Variants in NRG1 observed in about 807,000 individuals in gnomAD.
NRG1 encodes the protein neuregulin 1.
In NRG1, 18 loss-of-function variants were observed where a neutral mutation model predicts 63.8. The observed-to-expected ratio is 0.28, with a 90% CI of 0.19 to 0.42. NRG1 has a LOEUF of 0.42. Among genes scored for constraint, NRG1 ranks in the 10% least tolerant of loss-of-function variants. NRG1 has a pLI of 1.00. For missense variants in NRG1, 762 were observed against 814.7 expected, an observed-to-expected ratio of 0.94 and a Z score of 0.79; for synonymous variants, 302 against 301.3, an observed-to-expected ratio of 1.00 and a Z score of -0.02.
chr8:32,238,363 G>T (rs1305147285), intron 1 of NRG1, among the ~76,000 whole-genome samples: 2 of 151,684 alleles, frequency 1.3e-5, no homozygotes, highest in African/African-American at 4.9e-5. Context: ...GGAGGCTGGG[G>T]CAGGAGAATC....
chr8:31,764,797 G>C (rs1346877138), intron 1 of NRG1, among the ~76,000 whole-genome samples: 1 of 151,546 alleles, frequency 6.6e-6, no homozygotes, highest in African/African-American at 2.4e-5. Flanking sequence ...GTGCAGGTTA[G>C]TTACATATGT....
chr8:32,002,773 C>T (rs915455523), intron 1 of NRG1, among the ~76,000 whole-genome samples: 11 of 152,088 alleles, frequency 7.2e-5, no homozygotes. Flanking sequence ...TGTGCCTGCG[C>T]ACCTATCTAT....
chr8:32,371,924 C>T (rs560120112), intron 1 of NRG1, among the ~76,000 whole-genome samples: 11 of 151,370 alleles, frequency 7.3e-5, no homozygotes, highest in Non-Finnish European at 1.3e-4. Context: ...TGTAGCTGAA[C>T]GCAATGAATT....
chr8:31,715,347 TTGAGATAAATGATCCA>T (rs1283570403), intron 1 of NRG1, among the ~76,000 whole-genome samples: 1 of 152,106 alleles, frequency 6.6e-6, no homozygotes, highest in Non-Finnish European at 1.5e-5. Flanking sequence ...ATCAATTTAA[TTGAGATAAATGATCCA>T]TGATTAGGAT....
chr8:31,700,823 T>C (rs1810554136), intron 1 of NRG1, among the ~76,000 whole-genome samples: 1 of 152,182 alleles, frequency 6.6e-6, no homozygotes, highest in East Asian at 1.9e-4. Flanking sequence ...ACAGGCTCAT[T>C]GACTATGGAA....
chr8:32,027,264 T>G (rs1266315254), intron 1 of NRG1, among the ~76,000 whole-genome samples: 1 of 152,186 alleles, frequency 6.6e-6, no homozygotes, highest in Non-Finnish European at 1.5e-5. Context: ...ATATTTCTTT[T>G]TAGTATAAAG....
chr8:32,685,635 A>G (rs1809906942), intron 5 of NRG1, among the ~76,000 whole-genome samples: 1 of 152,212 alleles, frequency 6.6e-6, no homozygotes, highest in African/African-American at 2.4e-5. Context: ...GTTCTTTTCA[A>G]CTTTAAAATA....
At position 31,975,009 on chromosome 8, in the gene NRG1, C is replaced by T. The variant is rs540993773; in HGVS notation, c.37+335578C>T. 2.6e-5 allele frequency among the ~76,000 whole-genome samples: 4 copies of T among 152,264 alleles called. No individual in the cohort carries two copies. In the South Asian group the frequency reaches 8.3e-4, roughly 32 times the overall value. On this transcript the variant is annotated intron_variant, in intron 1 of 10. Coordinates refer to the NRG1 transcript ENST00000519301. ...TCAGTCTATGCTGGGTTTTCTGTGG[C>T]AGTTCAGAAGCAGGACTAGGTTCTG... is the stretch of plus-strand genomic sequence containing the variant.
At chr8:31,897,826 C>T (rs1831703817) in intron 1 of NRG1, among the ~76,000 whole-genome samples, 2 of 150,968 alleles carry the variant, frequency 1.3e-5, no homozygotes, top group Admixed American at 1.3e-4. Flanking sequence ...ACAAGCCTGG[C>T]CAACATGTTG....
chr8:32,221,324 T>C (rs1296766548), intron 1 of NRG1, among the ~76,000 whole-genome samples: 2 of 152,176 alleles, frequency 1.3e-5, no homozygotes, highest in Non-Finnish European at 2.9e-5. Context: ...CCTGTCTTGA[T>C]GCACGGTGGA....
intron 1 of NRG1, among the ~76,000 whole-genome samples, chr8:32,091,845 A>G (rs1426547465): frequency 2.6e-5 from 4 of 152,144 alleles, no homozygotes; most frequent in Admixed American, 2.6e-4. Context: ...TCAGAAAGCT[A>G]AGGTGAAATT....
chr8:32,546,995 C>A (rs910344292), upstream of NRG1, among the ~76,000 whole-genome samples: 2 of 152,136 alleles, frequency 1.3e-5, no homozygotes, highest in Non-Finnish European at 2.9e-5. Flanking sequence ...AAATGGAAAA[C>A]CAAGAGCAAG....
chr8:32,141,080 C>G (rs1017532694), intron 1 of NRG1, among the ~76,000 whole-genome samples: 1 of 152,052 alleles, frequency 6.6e-6, no homozygotes, highest in Non-Finnish European at 1.5e-5. Context: ...CCTAAACTCT[C>G]TCAAAACAGG....
chr8:32,188,746 G>A (rs1274551029), intron 1 of NRG1, among the ~76,000 whole-genome samples: 1 of 151,972 alleles, frequency 6.6e-6, no homozygotes, highest in Admixed American at 6.6e-5. Flanking sequence ...TCACTCATAG[G>A]TGGGACTTGA....
intron 1 of NRG1, among the ~76,000 whole-genome samples, chr8:31,647,436 A>G (rs1438723504): frequency 1.3e-5 from 2 of 152,118 alleles, no homozygotes; most frequent in African/African-American, 4.8e-5. Flanking sequence ...GTGGGAGATG[A>G]TGTGTTATCA....
chr8:32,427,869 T>C (rs1817597406), intron 1 of NRG1, among the ~76,000 whole-genome samples: 1 of 152,134 alleles, frequency 6.6e-6, no homozygotes, highest in South Asian at 2.1e-4. Flanking sequence ...ACAGGGGCGG[T>C]TTCAACCCTG....
chr8:31,823,333 C>T (rs997958728), intron 1 of NRG1, among the ~76,000 whole-genome samples: 3 of 151,856 alleles, frequency 2.0e-5, no homozygotes, highest in Non-Finnish European at 4.4e-5. Context: ...AACTTAAGCA[C>T]CCATAAGAAA....
chr8:32,477,225 G>T (rs1262251483), intron 1 of NRG1, among the ~76,000 whole-genome samples: 2 of 152,108 alleles, frequency 1.3e-5, no homozygotes, highest in Non-Finnish European at 1.5e-5. Context: ...CATCAAGGAG[G>T]CTCTCATTCT....
intron 1 of NRG1, among the ~76,000 whole-genome samples, chr8:31,916,971 T>A (rs1833446201): frequency 6.6e-6 from 1 of 152,074 alleles, no homozygotes; most frequent in East Asian, 1.9e-4. Flanking sequence ...GCAAGCATTT[T>A]TTCATGTGTT....
Sources: gnomAD v4.1 joint callset for allele counts (sites outside exome capture counted in the v4.1 genomes callset) on GRCh38, gnomAD v4.1.1 for gene constraint, MANE v1.5 for transcripts, NCBI Gene and HGNC (gene_info 2026-07-23, HGNC 2026-07-21) for gene names.